The following RPS6KA2 variants were observed in gnomAD, a reference collection of about 807,000 sequenced individuals.
RPS6KA2 encodes ribosomal protein S6 kinase A2, also known as ribosomal protein S6 kinase alpha-2.
In RPS6KA2, 42 loss-of-function variants were observed where a neutral mutation model predicts 91.8. That is an observed-to-expected ratio of 0.46 (90% CI 0.36 to 0.59). RPS6KA2 has a LOEUF of 0.59. RPS6KA2 is among the 20% of genes least tolerant of loss of function. RPS6KA2 has a pLI of 0.00. For missense variants in RPS6KA2, 798 were observed against 978.5 expected (o/e 0.82, Z 2.46); for synonymous variants, 414 against 393.6 (o/e 1.05, Z -0.61).
At position 166,770,454 on chromosome 6, in the gene RPS6KA2, G is replaced by A. The variant is rs564127586; in HGVS notation, c.123+87746C>T. Among the ~76,000 whole-genome samples the A allele has an allele frequency of 2.0e-5, 3 of 152,218 alleles. No individual in the cohort carries two copies. Among genetic ancestry groups the A allele is most frequent in the Non-Finnish European group, 2.9e-5 (2 of 68,024 alleles). On this transcript the variant is annotated intron_variant, in intron 2 of 21. Transcript: ENST00000503859. This position sits in a 1 kb window ranked among gnomAD's most constrained non-coding sequence, Gnocchi z 5.1. The stretch of plus-strand genomic sequence containing the variant: ...CCCCAGGCAGCTTCAGCACCCCCAC[G>A]TTTGCCTCGCTGCCATGGCTCCCTT...
In RPS6KA2 at chr6:166,437,639, T is replaced by A. The variant is rs1357744736; in HGVS notation, c.1333-5149A>T. 6.6e-6 allele frequency among the ~76,000 whole-genome samples: 1 copy of A among 152,218 alleles called. No individual in the cohort carries two copies. The highest frequency in any genetic ancestry group is 6.5e-5 in the Admixed American group (1 of 15,280). ...AGCAGGCTGAATATTTCCACCTTCC[T>A]TAGAGATGCTGAGTCTAGGGGTCTG... On this transcript the variant is annotated intron_variant, in intron 14 of 20. Transcript: ENST00000265678. The surrounding 1 kb of genome is among the most constrained non-coding windows in gnomAD (Gnocchi z 4.3).
chr6:166,559,741 A>T (rs910043358), intron 1 of RPS6KA2, among the ~76,000 whole-genome samples: 4 of 152,032 alleles, frequency 2.6e-5, no homozygotes, highest in Admixed American at 6.6e-5. Flanking sequence ...CTGTGTTATT[A>T]AAAAAAAGTT....
At chr6:166,854,251 C>T (rs1212885985) in intron 2 of RPS6KA2, among the ~76,000 whole-genome samples, 3 of 152,208 alleles carry the variant, frequency 2.0e-5, no homozygotes, top group Admixed American at 1.3e-4. Context: ...TCTTGTCTTA[C>T]ACCCAAGCTT....
At chr6:166,600,794 G>C (rs1205747301) in intron 1 of RPS6KA2, among the ~76,000 whole-genome samples, 1 of 152,228 alleles carries the variant, frequency 6.6e-6, no homozygotes, top group Non-Finnish European at 1.5e-5. Flanking sequence ...ATTGCACAAA[G>C]TGAATAGAAA....
At chr6:166,705,971 G>T (rs1789669839) in intron 2 of RPS6KA2, among the ~76,000 whole-genome samples, 1 of 152,150 alleles carries the variant, frequency 6.6e-6, no homozygotes, top group Non-Finnish European at 1.5e-5. Flanking sequence ...ACTCTAGAGA[G>T]GGCCCTCACA....
chr6:166,591,085 G>A (rs887722850), intron 1 of RPS6KA2, among the ~76,000 whole-genome samples: 7 of 152,352 alleles, frequency 4.6e-5, no homozygotes, highest in Middle Eastern at 3.4e-3. Flanking sequence ...ATGCCAGAGA[G>A]CAATGTTCAC....
At position 166,557,138 on chromosome 6, in the gene RPS6KA2, C is replaced by A. The variant is rs373852486; in HGVS notation, c.100-18354G>T. Reference sequence around the variant, plus strand: ...AGTGGCTGTGCTGAACAAGAGGGCACAAAGTAGAACATGCCCTCCCCCTCT... The same window carrying A: ...AGTGGCTGTGCTGAACAAGAGGGCAAAAAGTAGAACATGCCCTCCCCCTCT... On this transcript the variant is annotated intron_variant, in intron 1 of 20. Coordinates refer to ENST00000265678, the MANE Select transcript of RPS6KA2 (RefSeq NM_021135.6). The surrounding 1 kb of genome is among the most constrained non-coding windows in gnomAD (Gnocchi z 4.8). Among the ~76,000 whole-genome samples, 110 of 152,342 alleles carry A rather than the reference C, an allele frequency of 7.2e-4. 1 individual carries two copies. In the South Asian group the frequency reaches 0.023, roughly 31 times the overall value.
intron 12 of RPS6KA2, among the ~76,000 whole-genome samples, chr6:166,452,744 C>T (rs920626002): frequency 6.6e-6 from 1 of 152,070 alleles, no homozygotes; most frequent in Non-Finnish European, 1.5e-5. Context: ...AAAATTAGTT[C>T]GTCATAAGCA....
At chr6:166,507,789 C>T (rs1275580729) in intron 5 of RPS6KA2, among the ~76,000 whole-genome samples, 1 of 151,106 alleles carries the variant, frequency 6.6e-6, no homozygotes, top group Non-Finnish European at 1.5e-5. Context: ...CACACACATA[C>T]CACACACTTA....
intron 2 of RPS6KA2, among the ~76,000 whole-genome samples, chr6:166,724,607 C>A (rs1249084086): frequency 6.6e-6 from 1 of 152,240 alleles, no homozygotes; most frequent in Non-Finnish European, 1.5e-5. Context: ...TGTGACACGG[C>A]CACGGCCTCA....
intron 16 of RPS6KA2, among the ~76,000 whole-genome samples, chr6:166,425,137 C>CCTAA (rs1454808521): frequency 1.3e-5 from 2 of 152,162 alleles, no homozygotes; most frequent in Non-Finnish European, 2.9e-5. Flanking sequence ...AACAAATGTT[C>CCTAA]CTAACTAGCC....
intron 3 of RPS6KA2, among the ~76,000 whole-genome samples, chr6:166,516,831 C>A (rs1033410851): frequency 1.3e-5 from 2 of 152,202 alleles, no homozygotes; most frequent in Non-Finnish European, 2.9e-5. Context: ...GAAGCTGAGA[C>A]CTGGTGAAGC....
chr6:166,679,491 T>C (rs1423244689), intron 2 of RPS6KA2, among the ~76,000 whole-genome samples: 1 of 152,030 alleles, frequency 6.6e-6, no homozygotes, highest in Non-Finnish European at 1.5e-5. Flanking sequence ...TAAATAAATA[T>C]TGTCACTTAT....
chr6:166,418,420 C>T lies in RPS6KA2; in HGVS notation c.1821-78G>A, dbSNP rs1778613731. 2 of 1,066,638 alleles carry T rather than the reference C, an allele frequency of 1.9e-6. No homozygotes were observed. The highest frequency in any genetic ancestry group is 2.9e-6 in the Non-Finnish European group (2 of 690,848). 66.1% of individuals were successfully genotyped at this position (1,066,638 alleles called of 1,614,324 possible). A position where few individuals can be genotyped will look rare whatever the true frequency, so the allele number is the denominator to read the frequency against. On this transcript the variant is annotated intron_variant, in intron 18 of 20. Coordinates refer to ENST00000265678, the MANE Select transcript of RPS6KA2 (RefSeq NM_021135.6). The surrounding 1 kb of genome is among the most constrained non-coding windows in gnomAD (Gnocchi z 4.9). ...TAAAGTTTGCAAGTTGATATCACCC[C>T]TTGGCTGTTCAAAGGAATAGCACTT...
At position 166,849,220 on chromosome 6, in the gene RPS6KA2, G is replaced by A. The variant is rs1258346015; in HGVS notation, c.123+8980C>T. On this transcript the variant is annotated intron_variant, in intron 2 of 21. Coordinates refer to the RPS6KA2 transcript ENST00000503859. This position sits in a 1 kb window ranked among gnomAD's most constrained non-coding sequence, Gnocchi z 4.9. ...CTTGCTGGTTGGTTTCTTCTCATCA[G>A]TCAGGTCGTGGCCTAAACATGGCGT... Among the ~76,000 whole-genome samples, 1 of 152,182 alleles carries A rather than the reference G, an allele frequency of 6.6e-6. No homozygotes were observed. Among genetic ancestry groups the A allele is most frequent in the Non-Finnish European group, 1.5e-5 (1 of 68,040 alleles).
chr6:166,679,749 G>A (rs960412405), intron 2 of RPS6KA2, among the ~76,000 whole-genome samples: 1 of 152,246 alleles, frequency 6.6e-6, no homozygotes, highest in African/African-American at 2.4e-5. Context: ...TGCTGGTGGG[G>A]AGGTGTGGAG....
chr6:166,690,617 C>T (rs148872220), intron 2 of RPS6KA2, among the ~76,000 whole-genome samples: 74 of 152,312 alleles, frequency 4.9e-4, no homozygotes, highest in Non-Finnish European at 8.7e-4. Flanking sequence ...CCTTGGTTTT[C>T]CTCTCTGTGG....
intron 2 of RPS6KA2, among the ~76,000 whole-genome samples, chr6:166,761,858 T>G (rs1331259454): frequency 6.6e-6 from 1 of 152,150 alleles, no homozygotes; most frequent in Non-Finnish European, 1.5e-5. Context: ...CTCCTCGCAT[T>G]TGAGGCAGCG....
intron 2 of RPS6KA2, among the ~76,000 whole-genome samples, chr6:166,645,240 A>G (rs922143384): frequency 2.0e-5 from 3 of 152,222 alleles, no homozygotes; most frequent in Non-Finnish European, 4.4e-5. Flanking sequence ...ATCTACAAGT[A>G]TTCACCTTTC....
Sources: allele counts gnomAD v4.1 joint callset (sites outside exome capture counted in the v4.1 genomes callset), GRCh38; gene constraint gnomAD v4.1.1; non-coding constraint Gnocchi (gnomAD v3.1); transcripts MANE v1.5; gene names NCBI Gene and HGNC (gene_info 2026-07-23, HGNC 2026-07-21).